PARD6G: variants seen among roughly 807,000 people sequenced by gnomAD.
The protein encoded by PARD6G is partitioning defective 6 homolog gamma.
A neutral mutation model predicts 10.7 loss-of-function variants in PARD6G; 7 were observed. The ratio of observed to expected loss-of-function variants is 0.66; its 90% CI spans 0.37 to 1.23. PARD6G has a LOEUF of 1.23. PARD6G is among the 50% of genes most tolerant of loss of function. The pLI, the probability that PARD6G is intolerant of heterozygous loss-of-function variation, is 0.02. For missense variants in PARD6G, 548 were observed against 571.8 expected, an observed-to-expected ratio of 0.96 and a Z score of 0.42; for synonymous variants, 287 against 269.4, an observed-to-expected ratio of 1.07 and a Z score of -0.64.
chr18:80,214,682 A>G (rs1461027125), intron 1 of PARD6G, among the ~76,000 whole-genome samples: 1 of 152,172 alleles, frequency 6.6e-6, no homozygotes, highest in African/African-American at 2.4e-5. Context: ...GCAGAAAGAA[A>G]AAAGAATAAA....
chr18:80,177,406 T>C (rs374698548), intron 2 of PARD6G, among the ~76,000 whole-genome samples: 5 of 126,714 alleles, frequency 3.9e-5, no homozygotes, highest in East Asian at 2.5e-4. Context: ...ATGGGAAGCA[T>C]ACACACACAT....
rs186102220 is a variant in PARD6G, at chr18:80,246,759, T to G, written c.72+518A>C. 3.1e-3 allele frequency among the ~76,000 whole-genome samples: 465 copies of G among 151,910 alleles called. 2 individuals carry two copies. The highest frequency in any genetic ancestry group is 0.01 in the African/African-American group (432 of 41,424). On this transcript the variant is annotated intron_variant, in intron 1 of 2. Coordinates refer to ENST00000353265, the MANE Select transcript of PARD6G (RefSeq NM_032510.4). This position sits in a 1 kb window ranked among gnomAD's most constrained non-coding sequence, Gnocchi z 6.7. ...GCGCGCCTGGTGCCTAGATGTTTGGTACCGAGCGGGTGGGGGACGCCGGGC... is the reference window on the plus strand; with the variant it reads ...GCGCGCCTGGTGCCTAGATGTTTGGGACCGAGCGGGTGGGGGACGCCGGGC...
At chr18:80,218,115 A>T (rs1050015098) in intron 1 of PARD6G, among the ~76,000 whole-genome samples, 3 of 152,140 alleles carry the variant, frequency 2.0e-5, no homozygotes, top group African/African-American at 7.2e-5. Context: ...ACACCATATC[A>T]TTCCACCCTG....
At chr18:80,238,662 C>A (rs1344448823) in intron 1 of PARD6G, among the ~76,000 whole-genome samples, 1 of 152,060 alleles carries the variant, frequency 6.6e-6, no homozygotes, top group East Asian at 1.9e-4. Flanking sequence ...ATCTTGACCA[C>A]CAAGCCGTAC....
In PARD6G at chr18:80,158,664, G is replaced by C. The variant is rs2052672109; in HGVS notation, c.*1107C>G. 6.6e-6 allele frequency: 1 copy of C among 152,196 alleles called. No individual in the cohort carries two copies. The highest frequency in any genetic ancestry group is 2.4e-5 in the African/African-American group (1 of 41,440). 9.4% of individuals were successfully genotyped at this position (152,196 alleles called of 1,614,324 possible). Reference sequence around the variant, plus strand: ...GGAGTTCAAGACCAGCCTGACCAACGTGGTGAAATCCCATCTCTACTAAAA... The same window carrying C: ...GGAGTTCAAGACCAGCCTGACCAACCTGGTGAAATCCCATCTCTACTAAAA... On this transcript the variant is annotated 3_prime_UTR_variant, in exon 3 of 3. Transcript: ENST00000353265.
At position 80,160,208 on chromosome 18, in the gene PARD6G, C is replaced by T. The variant is rs1164514193; in HGVS notation, c.694G>A (p.Val232Ile). Residue 232 changes from valine (V) to isoleucine (I), a missense_variant, in exon 3 of 3, where the codon GTC becomes ATC. Physicochemically the swap from Val to Ile is conservative, Grantham distance 29 (BLOSUM62 3). Around this residue, in one of 2 missense-constraint regions of PARD6G, gnomAD observed 313 missense variants for 279.9 expected, o/e 1.12. Coordinates refer to ENST00000353265, the MANE Select transcript of PARD6G (RefSeq NM_032510.4). ...IEVAGKTLDQ[V>I]TDMMIANSHN... ...CTGTTGGCGATCATCATGTCCGTGA[C>T]CTGGTCCAGCGTCTTCCCGGCCACC... 1 of 1,613,278 alleles carries T rather than the reference C, an allele frequency of 6.2e-7. No homozygotes were observed. The highest frequency in any genetic ancestry group is 8.5e-7 in the Non-Finnish European group (1 of 1,179,854).
chr18:80,186,604 C>T (rs2052880929), intron 2 of PARD6G, among the ~76,000 whole-genome samples: 2 of 152,156 alleles, frequency 1.3e-5, no homozygotes, highest in Non-Finnish European at 1.5e-5. Context: ...ACACACACAT[C>T]CCTGTGCACA....
chr18:80,235,207 C>G (rs1442280221), intron 1 of PARD6G, among the ~76,000 whole-genome samples: 1 of 152,208 alleles, frequency 6.6e-6, no homozygotes, highest in Non-Finnish European at 1.5e-5. Context: ...AAGAAACTCA[C>G]TCAAAACCAC....
intron 1 of PARD6G, among the ~76,000 whole-genome samples, chr18:80,207,898 A>C (rs894363409): frequency 6.6e-6 from 1 of 152,204 alleles, no homozygotes; most frequent in African/African-American, 2.4e-5. Context: ...TGAGGGAGTA[A>C]TGGGAAGAAG....
At chr18:80,226,142 A>T (rs1967285815) in intron 1 of PARD6G, among the ~76,000 whole-genome samples, 1 of 144,070 alleles carries the variant, frequency 6.9e-6, no homozygotes, top group Admixed American at 7.0e-5. Flanking sequence ...CAGGTAACCA[A>T]TGACTTCAGT....
In PARD6G at chr18:80,200,473, C is replaced by T. The variant is rs747797938; in HGVS notation, c.295+2237G>A. 1.1e-4 allele frequency among the ~76,000 whole-genome samples: 17 copies of T among 152,158 alleles called. No individual in the cohort carries two copies. The highest frequency in any genetic ancestry group is 2.5e-4 in the Non-Finnish European group (17 of 68,040). ...AACCCCAGAGACAGGCACTACCACC[C>T]GTGCCACAGATGAGGACGGTAGAGC... On this transcript the variant is annotated intron_variant, in intron 2 of 2. Coordinates refer to ENST00000353265, the MANE Select transcript of PARD6G (RefSeq NM_032510.4). This position sits in a 1 kb window ranked among gnomAD's most constrained non-coding sequence, Gnocchi z 4.4.
intron 1 of PARD6G, among the ~76,000 whole-genome samples, chr18:80,215,546 A>T (rs1257602227): frequency 6.6e-6 from 1 of 152,208 alleles, no homozygotes; most frequent in Non-Finnish European, 1.5e-5. Context: ...TATAATTGAA[A>T]TTAAGTTGGT....
intron 2 of PARD6G, among the ~76,000 whole-genome samples, chr18:80,186,190 CCT>C (rs1296940129): frequency 4.2e-5 from 6 of 141,534 alleles, no homozygotes; most frequent in African/African-American, 1.1e-4. Flanking sequence ...ACACATGCAC[CCT>C]CACACACGCA....
chr18:80,247,142 G>C lies in PARD6G; in HGVS notation c.72+135C>G. 1 of 562,528 alleles carries C rather than the reference G, an allele frequency of 1.8e-6. No individual in the cohort carries two copies. The highest frequency in any genetic ancestry group is 2.8e-6 in the Non-Finnish European group (1 of 355,344). The allele number at this position is 562,528 out of a possible 1,614,324, so 34.8% of individuals were successfully genotyped here. On this transcript the variant is annotated intron_variant, in intron 1 of 2. Coordinates refer to ENST00000353265, the MANE Select transcript of PARD6G (RefSeq NM_032510.4). The surrounding 1 kb of genome is among the most constrained non-coding windows in gnomAD (Gnocchi z 4.2). ...TCCCCAGTGCGCGTCCCGCGGAGCG[G>C]CGCGCGGCGCCCGAACTGGAAAGTT...
intron 1 of PARD6G, among the ~76,000 whole-genome samples, chr18:80,227,834 C>T (rs1967309831): frequency 6.6e-6 from 1 of 151,768 alleles, no homozygotes; most frequent in Non-Finnish European, 1.5e-5. Context: ...AGGGCAACCC[C>T]GGGAACCACC....
intron 2 of PARD6G, among the ~76,000 whole-genome samples, chr18:80,193,877 G>A (rs905787760): frequency 1.3e-5 from 2 of 152,182 alleles, no homozygotes; most frequent in African/African-American, 4.8e-5. Flanking sequence ...CTCTGCCTGT[G>A]TGTGTCAAGT....
chr18:80,198,484 C>T (rs1466538299), intron 2 of PARD6G, among the ~76,000 whole-genome samples: 1 of 152,176 alleles, frequency 6.6e-6, no homozygotes, highest in African/African-American at 2.4e-5. Context: ...TGGAATGCAA[C>T]TACCACAGGA....
In PARD6G at chr18:80,231,122, T is replaced by G. The variant is rs1967353627; in HGVS notation, c.72+16155A>C. On this transcript the variant is annotated intron_variant, in intron 1 of 2. Transcript: ENST00000353265. The surrounding 1 kb of genome is among the most constrained non-coding windows in gnomAD (Gnocchi z 4.2). ...GAGGGGATGCCCCTCATGGAGGGAA[T>G]GGACAAGGATGGCCCATCAGCAAGG... Among the ~76,000 whole-genome samples the G allele has an allele frequency of 6.6e-6, 1 of 151,994 alleles. No homozygotes were observed. Among genetic ancestry groups the G allele is most frequent in the Non-Finnish European group, 1.5e-5 (1 of 67,990 alleles).
At chr18:80,168,098 C>T (rs1452567230) in intron 2 of PARD6G, among the ~76,000 whole-genome samples, 2 of 152,148 alleles carry the variant, frequency 1.3e-5, no homozygotes, top group East Asian at 1.9e-4. Flanking sequence ...GCACCCTGAA[C>T]CCCCTCCCCA....
Sources: allele counts gnomAD v4.1 joint callset (sites outside exome capture counted in the v4.1 genomes callset), GRCh38; gene constraint gnomAD v4.1.1; regional missense constraint gnomAD v4.1.1; non-coding constraint Gnocchi (gnomAD v3.1); transcripts MANE v1.5; gene names NCBI Gene and HGNC (gene_info 2026-07-23, HGNC 2026-07-21).